Variants in ANXA2 observed in about 807,000 individuals in gnomAD.
ANXA2 encodes annexin II.
ANXA2 carries 28 observed loss-of-function variants against 47.3 expected under a neutral mutation model. The observed-to-expected ratio is 0.59, with a 90% confidence interval of 0.44 to 0.81. The LOEUF (loss-of-function observed/expected upper bound fraction) is 0.81. ANXA2 is among the 40% of genes least tolerant of loss of function. The pLI, the probability that ANXA2 is intolerant of heterozygous loss-of-function variation, is 0.00. For synonymous variants in ANXA2, 172 were observed against 155.5 expected, an observed-to-expected ratio of 1.11 and a Z score of -0.79; for missense variants, 384 against 414.3, an observed-to-expected ratio of 0.93 and a Z score of 0.64.
chr15:60,349,067 G>A lies in ANXA2; in HGVS notation c.960+8C>T, dbSNP rs200020383. On this transcript the variant is annotated splice_region_variant and intron_variant, in intron 12 of 12. Transcript: ENST00000451270. ...GCAGGGCAGGCTGACACTGCACCTCGGGCTTACCTGGATATAATAGTACAG... is the reference window on the plus strand; with the variant it reads ...GCAGGGCAGGCTGACACTGCACCTCAGGCTTACCTGGATATAATAGTACAG... 433 of 1,613,850 alleles carry A rather than the reference G, an allele frequency of 2.7e-4. 1 individual carries two copies. The Middle Eastern group carries it at 4.0e-3, about 15-fold the overall frequency.
chr15:60,364,183 G>C (rs1369978900), intron 4 of ANXA2, among the ~76,000 whole-genome samples: 1 of 152,164 alleles, frequency 6.6e-6, no homozygotes, highest in Non-Finnish European at 1.5e-5. Context: ...GCACACGCGA[G>C]GGATCTATGT....
intron 3 of ANXA2, among the ~76,000 whole-genome samples, chr15:60,365,260 T>G (rs747016392): frequency 2.0e-5 from 3 of 152,106 alleles, no homozygotes; most frequent in Non-Finnish European, 2.9e-5. Flanking sequence ...TTTTAGTACC[T>G]ATTTTAATTG....
At chr15:60,354,430 A>T (rs1264349081) in intron 7 of ANXA2, among the ~76,000 whole-genome samples, 1 of 152,188 alleles carries the variant, frequency 6.6e-6, no homozygotes, top group African/African-American at 2.4e-5. Context: ...TCACGAGGTC[A>T]GGAGATGGAG....
At chr15:60,395,012 C>T (rs562778709) in intron 1 of ANXA2, among the ~76,000 whole-genome samples, 10 of 152,262 alleles carry the variant, frequency 6.6e-5, no homozygotes, top group African/African-American at 2.2e-4. Context: ...GAGGAACATT[C>T]CATTTCTATT....
intron 3 of ANXA2, among the ~76,000 whole-genome samples, chr15:60,375,555 G>C (rs2062765055): frequency 6.6e-6 from 1 of 152,186 alleles, no homozygotes; most frequent in South Asian, 2.1e-4. Context: ...TAAACCAAGA[G>C]ACTCCTACAG....
intron 3 of ANXA2, among the ~76,000 whole-genome samples, chr15:60,368,413 G>C (rs2062667688): frequency 6.6e-6 from 1 of 152,018 alleles, no homozygotes; most frequent in African/African-American, 2.4e-5. Context: ...ATACAATATT[G>C]AAAAGTAAAG....
intron 3 of ANXA2, among the ~76,000 whole-genome samples, chr15:60,372,374 G>C (rs75253260): frequency 6.6e-6 from 1 of 152,070 alleles, no homozygotes; most frequent in African/African-American, 2.4e-5. Context: ...TTCAAACCGG[G>C]ACTAAAGACC....
chr15:60,367,205 CGGGA>C, intron 3 of ANXA2, among the ~76,000 whole-genome samples: 1 of 87,464 alleles, frequency 1.1e-5, no homozygotes, highest in Non-Finnish European at 2.3e-5. Context: ...CCGCCCCGTC[CGGGA>C]GGGAGGTGGG....
At chr15:60,354,128 C>G in intron 8 of ANXA2, 26 bp downstream of exon 8, 1 of 1,608,608 alleles carries the variant, frequency 6.2e-7, no homozygotes. Flanking sequence ...AAAACAAAAA[C>G]TCAAAGCAAA....
Position 60,397,962 on chromosome 15 carries a change from C to A in ANXA2, c.-31G>T. The A allele has an allele frequency of 7.9e-7, 1 of 1,268,710 alleles. No individual in the cohort carries two copies. Among genetic ancestry groups the A allele is most frequent in the Non-Finnish European group, 1.0e-6 (1 of 1,004,158 alleles). The allele number at this position is 1,268,710 out of a possible 1,614,324, so 78.6% of individuals were successfully genotyped here. A position where few individuals can be genotyped will look rare whatever the true frequency, so the allele number is the denominator to read the frequency against. On this transcript the variant is annotated 5_prime_UTR_variant, in exon 1 of 13. Coordinates refer to ENST00000451270, the MANE Select transcript of ANXA2 (RefSeq NM_004039.3). ...GCTTACCTGGGCCGTGCGCCGAGAG[C>A]TGAGAGCGTCCCCAAATGCTGAGCA... is the stretch of plus-strand genomic sequence containing the variant.
In ANXA2 at chr15:60,364,430, T is replaced by G; in HGVS notation, c.242A>C (p.Lys81Thr). The change falls in exon 4 of 13, where the codon AAG becomes ACG. Residue 81 changes from lysine to threonine, a missense_variant and splice_region_variant. By Grantham distance (78) the Lys-to-Thr change is moderately conservative. Coordinates refer to ENST00000451270, the MANE Select transcript of ANXA2 (RefSeq NM_004039.3). Reference protein sequence around the residue: ...IAFAYQRRTKKELASALKSAL... With the variant: ...IAFAYQRRTKTELASALKSAL... ...CTCCATCCCTGGAATTGCCTGTACC[T>G]TTTTGGTCCTTCTCTGGTAGGCGAA... is the stretch of plus-strand genomic sequence containing the variant. 1 of 1,608,632 alleles carries G rather than the reference T, an allele frequency of 6.2e-7. No homozygotes were observed. Among genetic ancestry groups the G allele is most frequent in the Middle Eastern group, 1.7e-4 (1 of 6,012 alleles).
chr15:60,397,106 C>T (rs1218248058), intron 1 of ANXA2: 1 of 204,538 alleles, frequency 4.9e-6, no homozygotes, highest in Non-Finnish European at 8.6e-6. Flanking sequence ...AACCCAAGCC[C>T]TCCACACCAG....
intron 1 of ANXA2, chr15:60,390,130 A>AT: frequency 4.0e-6 from 1 of 249,034 alleles, no homozygotes; most frequent in Non-Finnish European, 6.5e-6. Context: ...GCTATTTTGC[A>AT]TAACATTTAT....
intron 1 of ANXA2, chr15:60,393,378 G>T: frequency 1.0e-6 from 1 of 1,002,140 alleles, no homozygotes; most frequent in African/African-American, 1.7e-5. Flanking sequence ...AGGCCTTCAA[G>T]TCTGCAACTC....
At chr15:60,367,326 C>T (rs1340060862) in intron 3 of ANXA2, among the ~76,000 whole-genome samples, 1 of 123,594 alleles carries the variant, frequency 8.1e-6, no homozygotes, top group Non-Finnish European at 1.7e-5. Flanking sequence ...GGCGCCTCTG[C>T]CCGGCCGCCC....
chr15:60,351,927 TCACAG>T, intron 9 of ANXA2, 108 bp from the exon 10 acceptor site: 3 of 779,494 alleles, frequency 3.8e-6, no homozygotes, highest in Non-Finnish European at 6.5e-6. Context: ...TTGAGGATGA[TCACAG>T]CATCCTAGGA....
chr15:60,395,541 C>G (rs2063070615), intron 1 of ANXA2: 1 of 152,198 alleles, frequency 6.6e-6, no homozygotes, highest in Non-Finnish European at 1.5e-5. Flanking sequence ...GAAGAGCCTA[C>G]AGCCCTCAAA....
At position 60,357,209 on chromosome 15, in the gene ANXA2, TGA is replaced by T. The variant is rs754511022; in HGVS notation, c.383_384del (p.Leu128HisfsTer2). The T allele has an allele frequency of 3.1e-6, 5 of 1,614,210 alleles. No individual in the cohort carries two copies. In the Admixed American group the frequency reaches 5.0e-5, roughly 16 times the overall value. ...MKGLGTDEDS[L>X]IEIICSRTNQ... ...TTGGTTCTGGAGCAGATGATCTCAA[TGA>T]GAGAGTCCTCGTCGGTTCCCAGCCC... On this transcript the variant is annotated frameshift_variant, in exon 6 of 13. Transcript: ENST00000451270. LOFTEE classifies it high-confidence loss of function.
At chr15:60,349,316 AC>A in intron 11 of ANXA2, 119 bp from the exon 12 acceptor site, 1 of 1,109,960 alleles carries the variant, frequency 9.0e-7, no homozygotes, top group Non-Finnish European at 1.3e-6. Flanking sequence ...AAAATCCAAA[AC>A]TTTTTCAGTG....
Sources: gnomAD v4.1 joint callset for allele counts (sites outside exome capture counted in the v4.1 genomes callset) on GRCh38, gnomAD v4.1.1 for gene constraint, MANE v1.5 for transcripts, NCBI Gene and HGNC (gene_info 2026-07-23, HGNC 2026-07-21) for gene names.